The following CORO1B variants were observed in gnomAD, a reference collection of about 807,000 sequenced individuals.
The protein encoded by CORO1B is coronin 1B.
CORO1B carries 30 observed loss-of-function variants against 51.1 expected under a neutral mutation model. The ratio of observed to expected loss-of-function variants is 0.59; its 90% CI spans 0.44 to 0.80. CORO1B has a LOEUF of 0.80. Among genes scored for constraint, CORO1B ranks in the 30% least tolerant of loss-of-function variants. CORO1B has a pLI of 0.00. For synonymous variants in CORO1B, 310 were observed against 289.7 expected, an observed-to-expected ratio of 1.07 and a Z score of -0.71; for missense variants, 648 against 700.4, an observed-to-expected ratio of 0.93 and a Z score of 0.84.
rs148334197 is a variant in CORO1B, at chr11:67,440,175, C to G, written c.950G>C (p.Arg317Pro). Residue 317 changes from arginine to proline, a missense_variant, in exon 8 of 11, where the codon CGG (arginine) becomes CCG (proline). Physicochemically the swap from Arg to Pro is moderately radical, Grantham distance 103. Transcript: ENST00000341356. ...LNTFTSKEPQ[R>P]GMGSMPKRGL... Reference sequence around the variant, plus strand: ...CCGCTTGGGCATGCTGCCCATACCCCGCTGCGGCTCCTTGCTGGTGAACGT... The same window carrying G: ...CCGCTTGGGCATGCTGCCCATACCCGGCTGCGGCTCCTTGCTGGTGAACGT... 6.2e-7 allele frequency: 1 copy of G among 1,613,858 alleles called. No homozygotes were observed.
At position 67,436,395 on chromosome 11, in the gene CORO1B, G is replaced by A. The variant is rs1864280648; in HGVS notation, c.*1981C>T. On this transcript the variant is annotated 3_prime_UTR_variant, in exon 11 of 11. Coordinates refer to ENST00000341356, the MANE Select transcript of CORO1B (RefSeq NM_020441.3). ...GCTCAGAGGGCTCAGCACCTGGGGT[G>A]GGGCCTGGTGTGGGGCAGGCTGGGT... 1 of 1,426,146 alleles carries A rather than the reference G, an allele frequency of 7.0e-7. No individual in the cohort carries two copies. The highest frequency in any genetic ancestry group is 1.5e-5 in the South Asian group (1 of 66,864). 88.3% of individuals were successfully genotyped at this position (1,426,146 alleles called of 1,614,324 possible).
rs527433466 is a variant in CORO1B, at chr11:67,437,207, G to T, written c.*1169C>A. 138 of 172,220 alleles carry T rather than the reference G, an allele frequency of 8.0e-4. 2 individuals are homozygous for T. The highest frequency in any genetic ancestry group is 1.8e-3 in the South Asian group (9 of 5,036). 10.7% of individuals were successfully genotyped at this position (172,220 alleles called of 1,614,324 possible). A position where few individuals can be genotyped will look rare whatever the true frequency, so the allele number is the denominator to read the frequency against. ...CAGGCGTGCAGGGCCGGGGGCTGGG[G>T]GGGGCTGGGGGAGGCGGGCGCAGCT... On this transcript the variant is annotated 3_prime_UTR_variant, in exon 11 of 11. Transcript: ENST00000341356.
upstream of CORO1B, chr11:67,443,510 G>T: frequency 1.0e-6 from 1 of 971,690 alleles, no homozygotes; most frequent in Non-Finnish European, 1.2e-6. Flanking sequence ...GAGGGACCCG[G>T]AGCGGGGGCG....
Position 67,442,077 on chromosome 11 carries a change from A to G in CORO1B, c.213T>C (p.Ile71=). 1 of 1,611,376 alleles carries G rather than the reference A, an allele frequency of 6.2e-7. No individual in the cohort carries two copies. Among genetic ancestry groups the G allele is most frequent in the Non-Finnish European group, 8.5e-7 (1 of 1,179,032 alleles). Residue 71 remains isoleucine (I), a synonymous_variant, in exon 3 of 11, where the codon ATT becomes ATC. Transcript: ENST00000341356. ...CACACACCGTCGGGTAGGCCTTGTC[A>G]ATGCGGCCCGTCTGTGGGCACGAGG... ...LVLPLSKTGR[I]DKAYPTVCGH...
chr11:67,439,714 C>T (rs965268730), intron 9 of CORO1B, 72 bp downstream of exon 9: 7 of 1,443,874 alleles, frequency 4.8e-6, no homozygotes, highest in East Asian at 4.9e-5. Flanking sequence ...TCACAGGCCT[C>T]GCCCTGGTCA....
At position 67,437,451 on chromosome 11, in the gene CORO1B, G is replaced by T. The variant is rs1590983884; in HGVS notation, c.*925C>A. 1 of 785,642 alleles carries T rather than the reference G, an allele frequency of 1.3e-6. No homozygotes were observed. Among genetic ancestry groups the T allele is most frequent in the Non-Finnish European group, 1.8e-6 (1 of 556,870 alleles). The allele number at this position is 785,642 out of a possible 1,614,324, so 48.7% of individuals were successfully genotyped here. On this transcript the variant is annotated 3_prime_UTR_variant, in exon 11 of 11. Coordinates refer to ENST00000341356, the MANE Select transcript of CORO1B (RefSeq NM_020441.3). ...GGGGCCAGGCCTGGAGTCCCAGGGA[G>T]CCCAGCTCAGGTGAGAGAAAGGTTC...
Position 67,441,160 on chromosome 11 carries a change from G to T in CORO1B, c.721C>A (p.Arg241=). The change falls in exon 6 of 11, where the codon CGA becomes AGA. Residue 241 remains arginine (R), a synonymous_variant. Coordinates refer to ENST00000341356, the MANE Select transcript of CORO1B (RefSeq NM_020441.3). ...DGKVFTTGFS[R]MSERQLALWD... ...AGCGCCAGCTGCCGCTCGCTCATTC[G>T]GCTGAAGCCTGTGGTGAACACCTTG... 6.2e-7 allele frequency: 1 copy of T among 1,613,090 alleles called. No homozygotes were observed. Among genetic ancestry groups the T allele is most frequent in the Non-Finnish European group, 8.5e-7 (1 of 1,180,004 alleles).
Position 67,436,605 on chromosome 11 carries a change from A to G in CORO1B, c.*1771T>C, listed in dbSNP as rs1276792390. ...TAAGCCACCTGCCTGGGGCCTTCGC[A>G]CTGGCTGTTCCCTCTGCCCGGAAAG... On this transcript the variant is annotated 3_prime_UTR_variant, in exon 11 of 11. Transcript: ENST00000341356. The G allele has an allele frequency of 4.7e-5, 19 of 408,458 alleles. No individual in the cohort carries two copies. In the East Asian group the frequency reaches 6.5e-4, roughly 14 times the overall value. 25.3% of individuals were successfully genotyped at this position (408,458 alleles called of 1,614,324 possible).
Position 67,436,908 on chromosome 11 carries a change from T to G in CORO1B, c.*1468A>C, listed in dbSNP as rs1864295899. The G allele has an allele frequency of 6.6e-6, 1 of 151,670 alleles. No individual in the cohort carries two copies. The highest frequency in any genetic ancestry group is 1.5e-5 in the Non-Finnish European group (1 of 68,132). The allele number at this position is 151,670 out of a possible 1,614,324, so 9.4% of individuals were successfully genotyped here. ...TTGGGTCAAGCATGTTAGTAGGTGC[T>G]CAATAAGTATGGATTAAATGTGTCT... On this transcript the variant is annotated 3_prime_UTR_variant, in exon 11 of 11. Coordinates refer to ENST00000341356, the MANE Select transcript of CORO1B (RefSeq NM_020441.3).
chr11:67,440,434 G>A lies in CORO1B; in HGVS notation c.762C>T (p.Asn254=), dbSNP rs1434717916. 6 of 1,613,594 alleles carry A rather than the reference G, an allele frequency of 3.7e-6. No individual in the cohort carries two copies. Among genetic ancestry groups the A allele is most frequent in the Non-Finnish European group, 1.7e-6 (2 of 1,179,952 alleles). The change falls in exon 7 of 11, where the codon AAC becomes AAT. Residue 254 remains asparagine, a synonymous_variant. Coordinates refer to ENST00000341356, the MANE Select transcript of CORO1B (RefSeq NM_020441.3). ...CCTGCAGGGCCATGGGTTCCTCGAG[G>A]TTTTCCTGGCACATTGCAGGCAGTC... ...ERQLALWDPE[N]LEEPMALQEL... is the part of the protein sequence containing the mutation.
Position 67,436,301 on chromosome 11 carries a change from GC to G in CORO1B, c.*2074del. The G allele has an allele frequency of 6.5e-7, 1 of 1,526,770 alleles. No homozygotes were observed. The highest frequency in any genetic ancestry group is 2.4e-5 in the East Asian group (1 of 41,012). The allele number at this position is 1,526,770 out of a possible 1,614,324, so 94.6% of individuals were successfully genotyped here. ...CTCCGCGCTGCCACCCGAGCCCAAG[GC>G]CCCTGGCAGGGCCAGCAGCATCCCG... On this transcript the variant is annotated 3_prime_UTR_variant, in exon 11 of 11. Transcript: ENST00000341356.
Position 67,441,504 on chromosome 11 carries a change from G to A in CORO1B, c.465C>T (p.Asn155=). The change falls in exon 5 of 11, where the codon AAC becomes AAT. Residue 155 remains asparagine (N), a synonymous_variant. Coordinates refer to ENST00000341356, the MANE Select transcript of CORO1B (RefSeq NM_020441.3). ...RNVLLSAGCD[N]VVLIWNVGTA... ...TGCCCACATTCCAGATGAGTACCAC[G>A]TTGTCGCAGCCTGGCAGGTGAGGGT... is the stretch of plus-strand genomic sequence containing the variant. 7 of 1,611,810 alleles carry A rather than the reference G, an allele frequency of 4.3e-6. No homozygotes were observed. Among genetic ancestry groups the A allele is most frequent in the East Asian group, 2.2e-5 (1 of 44,836 alleles).
rs778192803 is a variant in CORO1B at position 67,435,707 on chromosome 11, CAG to C, written c.*2667_*2668del. On this transcript the variant is annotated 3_prime_UTR_variant, in exon 11 of 11. Coordinates refer to ENST00000341356, the MANE Select transcript of CORO1B (RefSeq NM_020441.3). ...AGGCACGGGGAGTGAGCGGCTGTGACAGGGATGGGACACCAAGACCGGCCTCT... is the reference window on the plus strand; with the variant it reads ...AGGCACGGGGAGTGAGCGGCTGTGACGGATGGGACACCAAGACCGGCCTCT... The C allele has an allele frequency of 4.0e-6, 6 of 1,500,094 alleles. No homozygotes were observed. Among genetic ancestry groups the C allele is most frequent in the Non-Finnish European group, 5.3e-6 (6 of 1,129,906 alleles). 92.9% of individuals were successfully genotyped at this position (1,500,094 alleles called of 1,614,324 possible). A position where few individuals can be genotyped will look rare whatever the true frequency, so the allele number is the denominator to read the frequency against.
chr11:67,435,586 G>T lies in CORO1B; in HGVS notation c.*2790C>A, dbSNP rs1485886417. The T allele has an allele frequency of 1.6e-6, 2 of 1,244,166 alleles. No individual in the cohort carries two copies. The highest frequency in any genetic ancestry group is 1.5e-5 in the African/African-American group (1 of 66,418). The allele number at this position is 1,244,166 out of a possible 1,614,324, so 77.1% of individuals were successfully genotyped here. On this transcript the variant is annotated 3_prime_UTR_variant, in exon 11 of 11. Coordinates refer to ENST00000341356, the MANE Select transcript of CORO1B (RefSeq NM_020441.3). ...GGGGGGCCGTTCCCGTGGTGAGCGGGGTACACATGGACTTGGGAACTGGTA... is the reference window on the plus strand; with the variant it reads ...GGGGGGCCGTTCCCGTGGTGAGCGGTGTACACATGGACTTGGGAACTGGTA...
rs765501601 is a variant in CORO1B, at chr11:67,441,179, C to T, written c.702G>A (p.Val234=). 4.3e-6 allele frequency: 7 copies of T among 1,613,048 alleles called. No individual in the cohort carries two copies. The highest frequency in any genetic ancestry group is 2.7e-5 in the African/African-American group (2 of 74,948). The change falls in exon 6 of 11, where the codon GTG becomes GTA. Residue 234 remains valine, a synonymous_variant. Transcript: ENST00000341356. ...TCATTCGGCTGAAGCCTGTGGTGAA[C>T]ACCTTGCCATCTGCCAGGAAGATGG... ...MRAIFLADGK[V]FTTGFSRMSE...
rs1864311131 is a variant in CORO1B at position 67,437,507 on chromosome 11, C to T, written c.*869G>A. 5.6e-6 allele frequency: 7 copies of T among 1,245,914 alleles called. No homozygotes were observed. The South Asian group carries it at 1.3e-4, about 22-fold the overall frequency. 77.2% of individuals were successfully genotyped at this position (1,245,914 alleles called of 1,614,324 possible). A position where few individuals can be genotyped will look rare whatever the true frequency, so the allele number is the denominator to read the frequency against. On this transcript the variant is annotated 3_prime_UTR_variant, in exon 11 of 11. Coordinates refer to ENST00000341356, the MANE Select transcript of CORO1B (RefSeq NM_020441.3). Reference sequence around the variant, plus strand: ...CTGCCATACTCCTCTTAGGTCTCACCTCTTCCCTGGGGCCAATGTGGGGCC... The same window carrying T: ...CTGCCATACTCCTCTTAGGTCTCACTTCTTCCCTGGGGCCAATGTGGGGCC...
Position 67,442,563 on chromosome 11 carries a change from G to A in CORO1B, c.66C>T (p.Asn22=). ...CGCGAATGTCCTCATAGCACTGGTCGTTCTTGACCGGCTGCCCGAACACAT... is the reference window on the plus strand; with the variant it reads ...CGCGAATGTCCTCATAGCACTGGTCATTCTTGACCGGCTGCCCGAACACAT... ...FRHVFGQPVK[N]DQCYEDIRVS... is the part of the protein sequence containing the mutation. Residue 22 remains asparagine (N), a synonymous_variant, in exon 2 of 11, where the codon AAC becomes AAT. Transcript: ENST00000341356. 10 of 1,613,836 alleles carry A rather than the reference G, an allele frequency of 6.2e-6. No individual in the cohort carries two copies. Among genetic ancestry groups the A allele is most frequent in the Non-Finnish European group, 8.5e-6 (10 of 1,180,016 alleles).
At chr11:67,443,783 T>C (rs1481278918), upstream of CORO1B, 4 of 985,238 alleles carry the variant, frequency 4.1e-6, no homozygotes, top group Non-Finnish European at 4.8e-6. Flanking sequence ...GCGTTCTTGC[T>C]CCTCATAATG....
chr11:67,441,989 CGCTG>C lies in CORO1B; in HGVS notation c.297_300del (p.Ser100AlafsTer17). 6.2e-7 allele frequency: 1 copy of C among 1,613,236 alleles called. No homozygotes were observed. Among genetic ancestry groups the C allele is most frequent in the South Asian group, 1.1e-5 (1 of 91,086 alleles). ...ACCATGACCGTGCAGTCCTCCGAGC[CGCTG>C]GCTATGACTTCGTCGTTGTGAGGAC... On this transcript the variant is annotated frameshift_variant, in exon 3 of 11. Transcript: ENST00000341356. LOFTEE classifies it high-confidence loss of function.
Sources: allele counts gnomAD v4.1 joint callset, GRCh38; gene constraint gnomAD v4.1.1; transcripts MANE v1.5; gene names NCBI Gene and HGNC (gene_info 2026-07-23, HGNC 2026-07-21).